The following USP40 variants were observed in gnomAD, a reference collection of about 807,000 sequenced individuals.
The protein encoded by USP40 is ubiquitin carboxyl-terminal hydrolase 40.
In USP40, 143 loss-of-function variants were observed where a neutral mutation model predicts 166.2. That is an observed-to-expected ratio of 0.86 (90% CI 0.75 to 0.99). The LOEUF is 0.99. Among genes scored for constraint, USP40 ranks in the 50% least tolerant of loss-of-function variants. USP40 has a pLI of 0.00. For synonymous variants in USP40, 498 were observed against 524.0 expected, an observed-to-expected ratio of 0.95 and a Z score of 0.68; for missense variants, 1,444 against 1,479.7, an observed-to-expected ratio of 0.98 and a Z score of 0.40.
chr2:233,533,026 A>G (rs190010625), intron 11 of USP40, among the ~76,000 whole-genome samples: 1 of 152,218 alleles, frequency 6.6e-6, no homozygotes, highest in East Asian at 1.9e-4. Flanking sequence ...GATAAATAAT[A>G]GAAATAAAAG....
intron 3 of USP40, 26 bp downstream of exon 3, chr2:233,562,710 T>C: frequency 7.0e-7 from 1 of 1,438,386 alleles, no homozygotes; most frequent in Admixed American, 2.3e-5. Context: ...AAACTTAAAG[T>C]ATAATAATAA....
At position 233,477,106 on chromosome 2, in the gene USP40, G is replaced by GA. The variant is rs959207850; in HGVS notation, c.*285dup. On this transcript the variant is annotated 3_prime_UTR_variant, in exon 32 of 32. Coordinates refer to ENST00000678225, the MANE Select transcript of USP40 (RefSeq NM_001365479.2). ...CACGTTGTGCATTTTCTGGTTAAAA[G>GA]AAAAAAAAAGGCAGCTGGGGCCGGG... The GA allele has an allele frequency of 1.0e-3, 433 of 424,868 alleles. No individual in the cohort carries two copies. Among genetic ancestry groups the GA allele is most frequent in the East Asian group, 1.5e-3 (30 of 20,558 alleles). 26.3% of individuals were successfully genotyped at this position (424,868 alleles called of 1,614,324 possible). A position where few individuals can be genotyped will look rare whatever the true frequency, so the allele number is the denominator to read the frequency against.
At chr2:233,518,989 T>C (rs531347209) in intron 18 of USP40, among the ~76,000 whole-genome samples, 2 of 152,324 alleles carry the variant, frequency 1.3e-5, no homozygotes, top group South Asian at 4.1e-4. Flanking sequence ...AAAAATGATA[T>C]GCTATGTGAA....
chr2:233,478,882 C>T (rs1321030200), intron 31 of USP40, among the ~76,000 whole-genome samples: 2 of 152,158 alleles, frequency 1.3e-5, no homozygotes, highest in African/African-American at 2.4e-5. Context: ...GTGACGGTCA[C>T]GCTGGCCCAT....
intron 4 of USP40, among the ~76,000 whole-genome samples, chr2:233,559,444 A>G (rs2071382265): frequency 6.6e-6 from 1 of 152,242 alleles, no homozygotes; most frequent in Non-Finnish European, 1.5e-5. Flanking sequence ...TTGTTGGTCA[A>G]AGACTAAAAA....
At chr2:233,549,966 A>G (rs78212317) in intron 7 of USP40, among the ~76,000 whole-genome samples, 1,944 of 152,248 alleles carry the variant, frequency 0.013, 38 homozygotes, top group East Asian at 0.084. Flanking sequence ...AGATTAAGAG[A>G]TACTTTAAAG....
intron 19 of USP40, chr2:233,512,262 C>T (rs1278753430): frequency 5.0e-6 from 1 of 199,656 alleles, no homozygotes. Context: ...TAATTGGTAT[C>T]GCAATAAAAT....
intron 10 of USP40, among the ~76,000 whole-genome samples, chr2:233,536,336 T>C (rs1575311644): frequency 6.6e-6 from 1 of 152,146 alleles, no homozygotes; most frequent in Non-Finnish European, 1.5e-5. Flanking sequence ...AGCTCATTTG[T>C]TGGTCTTAAC....
At position 233,511,743 on chromosome 2, in the gene USP40, C is replaced by T. The variant is rs1255976391; in HGVS notation, c.2492G>A (p.Gly831Glu). The change falls in exon 20 of 32, where the codon GGA (glycine) becomes GAA (glutamate). Residue 831 changes from glycine (G) to glutamate (E), a missense_variant. Physicochemically the swap from Gly to Glu is moderately conservative, Grantham distance 98. Coordinates refer to ENST00000678225, the MANE Select transcript of USP40 (RefSeq NM_001365479.2). ...EAELKMGSSL[G>E]LCLGKAPSSS... is the part of the protein sequence containing the mutation. ...ACTTGGTGCTTTTCCAAGACACAGTCCCAATGAACTTCCCATCTTCAATTC... is the reference window on the plus strand; with the variant it reads ...ACTTGGTGCTTTTCCAAGACACAGTTCCAATGAACTTCCCATCTTCAATTC... The T allele has an allele frequency of 6.2e-7, 1 of 1,612,332 alleles. No homozygotes were observed. Among genetic ancestry groups the T allele is most frequent in the Non-Finnish European group, 8.5e-7 (1 of 1,179,326 alleles).
chr2:233,515,718 G>T (rs2067143265), intron 18 of USP40, among the ~76,000 whole-genome samples: 1 of 152,026 alleles, frequency 6.6e-6, no homozygotes, highest in Non-Finnish European at 1.5e-5. Flanking sequence ...TTCTTCCATG[G>T]TTTGTGCTTT....
intron 21 of USP40, 40 bp from the exon 22 acceptor site, chr2:233,499,955 C>G (rs368500325): frequency 8.8e-6 from 14 of 1,591,968 alleles, no homozygotes; most frequent in Non-Finnish European, 1.2e-5. Flanking sequence ...TTTTCTGTTT[C>G]TGAGTTACAG....
rs945402747 is a variant in USP40, at chr2:233,527,398, C to T, written c.1725+9G>A. ...ATGTCTGAATTAAGAGGAAGTAAGG[C>T]GATATTACCTGAAATATTGACTGCC... On this transcript the variant is annotated intron_variant, in intron 13 of 31. Coordinates refer to ENST00000678225, the MANE Select transcript of USP40 (RefSeq NM_001365479.2). The T allele has an allele frequency of 6.8e-6, 11 of 1,610,376 alleles. No individual in the cohort carries two copies. Among genetic ancestry groups the T allele is most frequent in the Middle Eastern group, 2.0e-4 (1 of 5,112 alleles).
chr2:233,538,837 G>A (rs930834607), intron 10 of USP40, among the ~76,000 whole-genome samples: 6 of 152,000 alleles, frequency 3.9e-5, no homozygotes, highest in South Asian at 2.1e-4. Context: ...GGCAACATAC[G>A]GAGACACCAT....
chr2:233,559,958 TCTTTAAGTGTTGA>T (rs1454974795), intron 3 of USP40, 34 bp from the exon 4 acceptor site: 2 of 1,505,026 alleles, frequency 1.3e-6, no homozygotes. Context: ...CTAAATGAAT[TCTTTAAGTGTTGA>T]CTAAGGCTTT....
rs2071154837 is a variant in USP40 at position 233,556,962 on chromosome 2, T to A, written c.439A>T (p.Thr147Ser). The part of the protein sequence containing the change: ...LNRILFSALE[T>S]SLVGTSGHDL... ...TGACCGGAGGTCCCAACTAAAGAAGTTTCCAAAGCGCTGAAGAGGATTCGA... is the reference window on the plus strand; with the variant it reads ...TGACCGGAGGTCCCAACTAAAGAAGATTCCAAAGCGCTGAAGAGGATTCGA... Residue 147 changes from threonine to serine, a missense_variant, in exon 5 of 32, where the codon ACT becomes TCT. Coordinates refer to ENST00000678225, the MANE Select transcript of USP40 (RefSeq NM_001365479.2). The A allele has an allele frequency of 6.2e-7, 1 of 1,613,746 alleles. No individual in the cohort carries two copies. Among genetic ancestry groups the A allele is most frequent in the Admixed American group, 1.7e-5 (1 of 60,002 alleles).
chr2:233,498,662 C>A, intron 22 of USP40, 50 bp from the exon 23 acceptor site: 1 of 1,486,494 alleles, frequency 6.7e-7, no homozygotes, highest in Non-Finnish European at 9.3e-7. Flanking sequence ...TTAGGTGAGA[C>A]GTTGCGTGTA....
rs755891297 is a variant in USP40 at position 233,540,705 on chromosome 2, G to A, written c.1127C>T (p.Ser376Phe). 22 of 1,612,996 alleles carry A rather than the reference G, an allele frequency of 1.4e-5. No individual in the cohort carries two copies. The highest frequency in any genetic ancestry group is 1.9e-5 in the Non-Finnish European group (22 of 1,179,356). ...GQKLLKKIGI[S>F]WNKKYRKQHG... Reference sequence around the variant, plus strand: ...CTGTTTTCTGTACTTCTTGTTCCAAGATATTCCTATCTTTTTCAAAAGTTT... The same window carrying A: ...CTGTTTTCTGTACTTCTTGTTCCAAAATATTCCTATCTTTTTCAAAAGTTT... Residue 376 changes from serine (S) to phenylalanine (F), a missense_variant, in exon 10 of 32, where the codon TCT becomes TTT. Transcript: ENST00000678225.
intron 27 of USP40, among the ~76,000 whole-genome samples, chr2:233,489,022 T>G (rs1052843123): frequency 1.3e-5 from 2 of 152,158 alleles, no homozygotes; most frequent in African/African-American, 4.8e-5. Flanking sequence ...AACCTGCTCT[T>G]TAAGTTCAAA....
At chr2:233,560,968 T>C (rs1239748045) in intron 3 of USP40, 1 of 735,278 alleles carries the variant, frequency 1.4e-6, no homozygotes, top group Non-Finnish European at 2.5e-6. Flanking sequence ...AGTATTGTAC[T>C]TGGAAAACTG....
Sources: allele counts gnomAD v4.1 joint callset (sites outside exome capture counted in the v4.1 genomes callset), GRCh38; gene constraint gnomAD v4.1.1; transcripts MANE v1.5; gene names NCBI Gene and HGNC (gene_info 2026-07-23, HGNC 2026-07-21).